The following CCSER1 variants were observed in gnomAD, a reference collection of about 807,000 sequenced individuals.
CCSER1 encodes the protein coiled-coil serine rich protein 1.
CCSER1 carries 41 observed loss-of-function variants against 82.0 expected under a neutral mutation model. The ratio of observed to expected loss-of-function variants is 0.50; its 90% confidence interval spans 0.39 to 0.65. The LOEUF (loss-of-function observed/expected upper bound fraction) is 0.65. CCSER1 is among the 30% of genes least tolerant of loss of function. The pLI, the probability that CCSER1 is intolerant of heterozygous loss-of-function variation, is 0.00. For missense variants in CCSER1, 1,119 were observed against 1,064.2 expected (o/e 1.05, Z -0.72); for synonymous variants, 414 against 383.9 (o/e 1.08, Z -0.92).
intron 1 of CCSER1, among the ~76,000 whole-genome samples, chr4:90,155,952 T>G (rs1167924909): frequency 6.6e-6 from 1 of 152,140 alleles, no homozygotes; most frequent in East Asian, 1.9e-4. Flanking sequence ...CTAGTTCTTT[T>G]AATTGTGATG....
chr4:90,498,258 A>G lies in CCSER1; in HGVS notation c.1724+29904A>G, dbSNP rs563090691. The stretch of plus-strand genomic sequence containing the variant: ...TTAAATAGAACAATAATAACAATTT[A>G]CTGTAATAAAAGTTATGTGAATATA... On this transcript the variant is annotated intron_variant, in intron 5 of 10. Coordinates refer to ENST00000509176, the MANE Select transcript of CCSER1 (RefSeq NM_001145065.2). 7.9e-5 allele frequency among the ~76,000 whole-genome samples: 12 copies of G among 152,312 alleles called. No homozygotes were observed. In the South Asian group the frequency reaches 2.5e-3, roughly 32 times the overall value.
intron 10 of CCSER1, among the ~76,000 whole-genome samples, chr4:91,157,621 C>T (rs1023877550): frequency 6.6e-6 from 1 of 151,894 alleles, no homozygotes; most frequent in African/African-American, 2.4e-5. Flanking sequence ...TTTATATCTC[C>T]ATCTATATGG....
At chr4:91,367,236 G>T (rs1749683476) in intron 10 of CCSER1, among the ~76,000 whole-genome samples, 1 of 147,686 alleles carries the variant, frequency 6.8e-6, no homozygotes, top group Non-Finnish European at 1.5e-5. Context: ...AGGATCACCT[G>T]AGCCCAGGAG....
intron 10 of CCSER1, among the ~76,000 whole-genome samples, chr4:91,297,802 A>G (rs1393836331): frequency 6.6e-6 from 1 of 152,016 alleles, no homozygotes; most frequent in East Asian, 1.9e-4. Flanking sequence ...GTATAAAGGA[A>G]AAACCATTTT....
intron 1 of CCSER1, among the ~76,000 whole-genome samples, chr4:90,180,136 A>G: frequency 6.7e-6 from 1 of 148,850 alleles, no homozygotes; most frequent in East Asian, 1.9e-4. Flanking sequence ...ATATATATAT[A>G]TATATAAATT....
At chr4:91,276,895 C>T (rs998622138) in intron 10 of CCSER1, among the ~76,000 whole-genome samples, 4 of 151,982 alleles carry the variant, frequency 2.6e-5, no homozygotes, top group African/African-American at 9.7e-5. Flanking sequence ...TGCTTTTTTA[C>T]AACTATTGAG....
At chr4:91,218,453 C>T (rs1344940056) in intron 10 of CCSER1, among the ~76,000 whole-genome samples, 1 of 152,194 alleles carries the variant, frequency 6.6e-6, no homozygotes, top group African/African-American at 2.4e-5. Context: ...TCCTCAAATG[C>T]CGCCAAAGTG....
intron 5 of CCSER1, among the ~76,000 whole-genome samples, chr4:90,491,837 T>G (rs1768076891): frequency 6.6e-6 from 1 of 152,208 alleles, no homozygotes; most frequent in Non-Finnish European, 1.5e-5. Context: ...TTGCATATGT[T>G]GAACCAGCCT....
At position 91,120,630 on chromosome 4, in the gene CCSER1, G is replaced by A. The variant is rs111553212; in HGVS notation, c.2217+34636G>A. ...ATTCTTCCTACTTAATTCATGAGAG[G>A]AATCTATGTCATGAGGCGTAAAAAT... On this transcript the variant is annotated intron_variant, in intron 10 of 10. Transcript: ENST00000509176. 5.5e-3 allele frequency among the ~76,000 whole-genome samples: 838 copies of A among 151,964 alleles called. 7 individuals carry two copies. The highest frequency in any genetic ancestry group is 6.8e-3 in the Middle Eastern group (2 of 294).
At chr4:90,293,198 AAAC>A (rs141356826) in intron 1 of CCSER1, among the ~76,000 whole-genome samples, 20,604 of 151,688 alleles carry the variant, frequency 0.14, 1,621 homozygotes, top group East Asian at 0.3. Flanking sequence ...GATGTTTCAA[AAAC>A]AACAAGAAAC....
chr4:90,128,279 C>T (rs1721271649), intron 1 of CCSER1, among the ~76,000 whole-genome samples: 1 of 151,246 alleles, frequency 6.6e-6, no homozygotes, highest in South Asian at 2.1e-4. Context: ...GGGACGGCGG[C>T]GAAGAGGGGG....
At chr4:90,227,235 T>C (rs979548950) in intron 1 of CCSER1, among the ~76,000 whole-genome samples, 2 of 152,210 alleles carry the variant, frequency 1.3e-5, no homozygotes, top group African/African-American at 4.8e-5. Flanking sequence ...TGTAGTTTGT[T>C]TGCTTTTAGG....
rs540705939 is a variant in CCSER1, at chr4:90,665,575, C to A, written c.1932+37343C>A. On this transcript the variant is annotated intron_variant, in intron 6 of 10. Coordinates refer to ENST00000509176, the MANE Select transcript of CCSER1 (RefSeq NM_001145065.2). ...TGACCTCGTGATCCACCCGCCTCGG[C>A]CTCCCAAAGTGCTGGGATTACAGGT... Among the ~76,000 whole-genome samples the A allele has an allele frequency of 5.3e-5, 8 of 152,210 alleles. No individual in the cohort carries two copies. The South Asian group carries it at 6.2e-4, about 12-fold the overall frequency.
chr4:90,151,705 A>T (rs774449732), intron 1 of CCSER1, among the ~76,000 whole-genome samples: 1 of 152,162 alleles, frequency 6.6e-6, no homozygotes, highest in Non-Finnish European at 1.5e-5. Flanking sequence ...AGTCTAGGAG[A>T]TCATTACATC....
At chr4:90,308,191 T>A in intron 1 of CCSER1, 53 bp from the exon 2 acceptor site, 1 of 1,266,012 alleles carries the variant, frequency 7.9e-7, no homozygotes, top group Non-Finnish European at 1.1e-6. Flanking sequence ...TTAAAATGTA[T>A]TATTTGTAGT....
chr4:91,222,396 AAAGAGCTTT>A (rs1049721160), intron 10 of CCSER1, among the ~76,000 whole-genome samples: 1 of 152,096 alleles, frequency 6.6e-6, no homozygotes, highest in Non-Finnish European at 1.5e-5. Flanking sequence ...TTTGTAGCCA[AAAGAGCTTT>A]AAGTAAGAGA....
At chr4:91,479,989 A>G (rs201231999) in intron 10 of CCSER1, among the ~76,000 whole-genome samples, 88,472 of 131,430 alleles carry the variant, frequency 0.67, 29,949 homozygotes, top group East Asian at 0.9. Context: ...GAGAATATGC[A>G]GTGTTTGGTT....
At chr4:90,169,547 C>A (rs1422447099) in intron 1 of CCSER1, among the ~76,000 whole-genome samples, 1 of 152,068 alleles carries the variant, frequency 6.6e-6, no homozygotes, top group Non-Finnish European at 1.5e-5. Context: ...GCATCCCTGT[C>A]TTGGACCATT....
At chr4:90,861,855 A>G (rs1765122217) in intron 8 of CCSER1, among the ~76,000 whole-genome samples, 1 of 149,614 alleles carries the variant, frequency 6.7e-6, no homozygotes, top group African/African-American at 2.4e-5. Context: ...TAGTTGGATG[A>G]TTTCTTAGAA....
Sources: gnomAD v4.1 joint callset for allele counts (sites outside exome capture counted in the v4.1 genomes callset) on GRCh38, gnomAD v4.1.1 for gene constraint, MANE v1.5 for transcripts, NCBI Gene and HGNC (gene_info 2026-07-23, HGNC 2026-07-21) for gene names.